The following PCDH10 variants were observed in gnomAD, a reference collection of about 807,000 sequenced individuals.
The protein encoded by PCDH10 is protocadherin 10.
Under a neutral mutation model 74.4 loss-of-function variants are expected in PCDH10, and 15 were observed. That is an observed-to-expected ratio of 0.20 (90% CI 0.13 to 0.31). The LOEUF (loss-of-function observed/expected upper bound fraction) is 0.31. PCDH10 is among the 10% of genes least tolerant of loss of function. The pLI, the probability that PCDH10 is intolerant of heterozygous loss-of-function variation, is 1.00. For missense variants in PCDH10, 1,260 were observed against 1,390.2 expected (o/e 0.91, Z 1.49); for synonymous variants, 619 against 589.8 (o/e 1.05, Z -0.72).
At chr4:133,163,349 C>G (rs878910853) in intron 4 of PCDH10, 67 bp downstream of exon 4, 4 of 1,382,732 alleles carry the variant, frequency 2.9e-6, no homozygotes, top group Middle Eastern at 2.3e-4. Flanking sequence ...ACATTCCACT[C>G]TTTTTGGTAA....
At chr4:133,189,284 A>T (rs1006400363) in intron 4 of PCDH10, among the ~76,000 whole-genome samples, 10 of 152,102 alleles carry the variant, frequency 6.6e-5, no homozygotes, top group Non-Finnish European at 1.5e-4. Context: ...CATTTTTGTT[A>T]TATGTCTGTT....
chr4:133,169,655 G>T (rs1727164183), intron 4 of PCDH10, among the ~76,000 whole-genome samples: 1 of 151,744 alleles, frequency 6.6e-6, no homozygotes, highest in Admixed American at 6.6e-5. Context: ...TCAATGAAAA[G>T]AAATATCTAC....
At chr4:133,168,347 T>A (rs147538131) in intron 4 of PCDH10, among the ~76,000 whole-genome samples, 1 of 151,606 alleles carries the variant, frequency 6.6e-6, no homozygotes, top group East Asian at 1.9e-4. Context: ...TTATTTCAAG[T>A]CATTTAAAAT....
intron 4 of PCDH10, among the ~76,000 whole-genome samples, chr4:133,179,203 T>G (rs1727358297): frequency 6.6e-6 from 1 of 152,256 alleles, no homozygotes; most frequent in South Asian, 2.1e-4. Context: ...GGCAGGCGTA[T>G]ACTTTGTGTT....
intron 4 of PCDH10, among the ~76,000 whole-genome samples, chr4:133,185,834 A>G (rs1022326460): frequency 6.6e-6 from 1 of 152,158 alleles, no homozygotes; most frequent in African/African-American, 2.4e-5. Flanking sequence ...CATAAAGTAT[A>G]AAGGGTATTT....
intron 4 of PCDH10, among the ~76,000 whole-genome samples, chr4:133,182,006 G>T (rs1362289700): frequency 6.6e-6 from 1 of 151,978 alleles, no homozygotes; most frequent in Non-Finnish European, 1.5e-5. Flanking sequence ...CATTAGCTAC[G>T]TGGCTATATG....
chr4:133,185,118 T>C (rs1183850903), intron 4 of PCDH10, among the ~76,000 whole-genome samples: 1 of 148,350 alleles, frequency 6.7e-6, no homozygotes, highest in East Asian at 1.9e-4. Context: ...AAAAACACAG[T>C]AATCATTTTT....
intron 1 of PCDH10, chr4:133,153,290 T>C (rs954480381): frequency 9.9e-7 from 1 of 1,006,398 alleles, no homozygotes; most frequent in African/African-American, 1.7e-5. Flanking sequence ...AGTGAACAAG[T>C]TACCAGATCC....
intron 2 of PCDH10, among the ~76,000 whole-genome samples, chr4:133,201,792 G>T (rs549875163): frequency 1.8e-4 from 26 of 141,244 alleles, no homozygotes; most frequent in African/African-American, 6.8e-4. Context: ...GGAGGCGGAG[G>T]TTGCAGTGAG....
intron 2 of PCDH10, among the ~76,000 whole-genome samples, chr4:133,206,638 A>G (rs561584997): frequency 3.3e-5 from 5 of 152,170 alleles, no homozygotes; most frequent in Non-Finnish European, 7.4e-5. Context: ...GAATGTTGTC[A>G]TAGTTATTTC....
intron 1 of PCDH10, chr4:133,153,129 A>C: frequency 8.0e-7 from 1 of 1,250,118 alleles, no homozygotes; most frequent in Non-Finnish European, 1.0e-6. Context: ...ACTTTCTAGC[A>C]CTGGCAAAGG....
At chr4:133,174,083 C>T (rs1226552621) in intron 4 of PCDH10, among the ~76,000 whole-genome samples, 1 of 151,890 alleles carries the variant, frequency 6.6e-6, no homozygotes, top group Non-Finnish European at 1.5e-5. Flanking sequence ...AGAATTTTCA[C>T]TTTTGGTATC....
intron 4 of PCDH10, among the ~76,000 whole-genome samples, chr4:133,167,482 C>T (rs1311400152): frequency 6.6e-6 from 1 of 151,364 alleles, no homozygotes; most frequent in African/African-American, 2.4e-5. Context: ...TTTGTGTTTT[C>T]CTCTAATGTC....
At chr4:133,181,578 C>G (rs1727418947) in intron 4 of PCDH10, among the ~76,000 whole-genome samples, 2 of 152,002 alleles carry the variant, frequency 1.3e-5, no homozygotes, top group Non-Finnish European at 1.5e-5. Flanking sequence ...TTATCGTACA[C>G]ACTGTATTTT....
chr4:133,173,326 A>C (rs189530735), intron 4 of PCDH10, among the ~76,000 whole-genome samples: 24 of 152,166 alleles, frequency 1.6e-4, no homozygotes, highest in Admixed American at 1.5e-3. Flanking sequence ...ATAAGATGGT[A>C]ATCAGTTAAT....
At chr4:133,179,138 A>G (rs1479269224) in intron 4 of PCDH10, among the ~76,000 whole-genome samples, 1 of 152,140 alleles carries the variant, frequency 6.6e-6, no homozygotes, top group Non-Finnish European at 1.5e-5. Context: ...AATGCAAACT[A>G]CTTCCAGATA....
At chr4:133,196,323 T>G (rs1727794056), downstream of PCDH10, among the ~76,000 whole-genome samples, 1 of 152,164 alleles carries the variant, frequency 6.6e-6, no homozygotes, top group Non-Finnish European at 1.5e-5. Flanking sequence ...TCAGGAGTAC[T>G]GATTGGAGGG....
At position 133,150,785 on chromosome 4, in the gene PCDH10, A is replaced by AGGGG; in HGVS notation, c.647_650dup (p.Gly219ArgfsTer28). ...GAGGTGGGGGAGGAGTAGGAGAAGGAGGGGGAGGTGGCGGGGGAGCAGGCC... is the reference window on the plus strand; with the variant it reads ...GAGGTGGGGGAGGAGTAGGAGAAGGAGGGGGGGGGAGGTGGCGGGGGAGCAGGCC... On this transcript the variant is annotated frameshift_variant, in exon 1 of 5. Transcript: ENST00000264360. LOFTEE classifies it high-confidence loss of function. 1 of 541,294 alleles carries AGGGG rather than the reference A, an allele frequency of 1.8e-6. No homozygotes were observed. The highest frequency in any genetic ancestry group is 4.6e-5 in the Admixed American group (1 of 21,780). The allele number at this position is 541,294 out of a possible 1,614,324, so 33.5% of individuals were successfully genotyped here.
chr4:133,198,261 C>G (rs1357441974), downstream of PCDH10, among the ~76,000 whole-genome samples: 1 of 151,814 alleles, frequency 6.6e-6, no homozygotes, highest in Non-Finnish European at 1.5e-5. Context: ...TACAAAAAAA[C>G]AACACAATGG....
Sources: allele counts gnomAD v4.1 joint callset (sites outside exome capture counted in the v4.1 genomes callset), GRCh38; gene constraint gnomAD v4.1.1; transcripts MANE v1.5; gene names NCBI Gene and HGNC (gene_info 2026-07-23, HGNC 2026-07-21).